Variants in TRIM9 observed in about 807,000 individuals in gnomAD.
The protein encoded by TRIM9 is E3 ubiquitin-protein ligase TRIM9.
In TRIM9, 26 loss-of-function variants were observed where a neutral mutation model predicts 78.3. That is an observed-to-expected ratio of 0.33 (90% CI 0.24 to 0.46). The LOEUF (loss-of-function observed/expected upper bound fraction) is 0.46, where lower values mean the gene tolerates loss of function less well. TRIM9 is among the 20% of genes least tolerant of loss of function. The pLI, the probability that TRIM9 is intolerant of heterozygous loss-of-function variation, is 1.00. For synonymous variants in TRIM9, 398 were observed against 416.5 expected, an observed-to-expected ratio of 0.96 and a Z score of 0.54; for missense variants, 787 against 1,036.4, an observed-to-expected ratio of 0.76 and a Z score of 3.30.
chr14:51,007,125 C>T (rs920097243), intron 5 of TRIM9, among the ~76,000 whole-genome samples: 8 of 152,154 alleles, frequency 5.3e-5, no homozygotes, highest in Non-Finnish European at 8.8e-5. Flanking sequence ...CTAACTGCCT[C>T]CTCCTCCTGC....
intron 5 of TRIM9, among the ~76,000 whole-genome samples, chr14:51,002,364 G>T (rs189030225): frequency 6.6e-6 from 1 of 151,548 alleles, no homozygotes; most frequent in Non-Finnish European, 1.5e-5. Context: ...TCGATCTACT[G>T]ACCTCATGAT....
At chr14:51,046,240 G>A (rs1176354744) in intron 1 of TRIM9, among the ~76,000 whole-genome samples, 1 of 152,138 alleles carries the variant, frequency 6.6e-6, no homozygotes, top group Non-Finnish European at 1.5e-5. Flanking sequence ...AGGGACACTT[G>A]TGGGGCTGGA....
chr14:51,063,944 G>T (rs189462365), intron 1 of TRIM9, among the ~76,000 whole-genome samples: 1 of 152,010 alleles, frequency 6.6e-6, no homozygotes, highest in Non-Finnish European at 1.5e-5. Context: ...GTGTGTGTGT[G>T]TATAATATAT....
chr14:50,989,249 G>A (rs566672882), intron 7 of TRIM9, among the ~76,000 whole-genome samples: 1 of 152,332 alleles, frequency 6.6e-6, no homozygotes, highest in South Asian at 2.1e-4. Flanking sequence ...ATTGAGAACA[G>A]TATTGCCACT....
intron 1 of TRIM9, among the ~76,000 whole-genome samples, chr14:51,083,344 T>G (rs1180459589): frequency 1.3e-5 from 2 of 152,182 alleles, no homozygotes; most frequent in Non-Finnish European, 2.9e-5. Context: ...CTCGAACTCC[T>G]GGGCTCAAGT....
chr14:51,071,019 A>T (rs2140232666), intron 1 of TRIM9, among the ~76,000 whole-genome samples: 1 of 152,188 alleles, frequency 6.6e-6, no homozygotes, highest in South Asian at 2.1e-4. Flanking sequence ...TGGAAAAAGG[A>T]ATACATTTAC....
intron 1 of TRIM9, among the ~76,000 whole-genome samples, chr14:51,029,263 G>A (rs559124446): frequency 1.3e-5 from 2 of 152,280 alleles, no homozygotes; most frequent in East Asian, 1.9e-4. Context: ...AGGGTCACTC[G>A]AAGAGTTGGT....
At chr14:51,024,227 G>A (rs575306244) in intron 2 of TRIM9, among the ~76,000 whole-genome samples, 7 of 152,172 alleles carry the variant, frequency 4.6e-5, no homozygotes, top group South Asian at 2.1e-4. Flanking sequence ...GAAGAGGCCC[G>A]GGCAGAGGCA....
At chr14:51,067,677 CT>C (rs764731579) in intron 1 of TRIM9, among the ~76,000 whole-genome samples, 1 of 152,110 alleles carries the variant, frequency 6.6e-6, no homozygotes, top group Non-Finnish European at 1.5e-5. Context: ...TCCTGCAGAT[CT>C]TCACAGAGGG....
Position 50,982,918 on chromosome 14 carries a change from T to G in TRIM9, c.1858+24A>C, listed in dbSNP as rs547380081. 9.1e-6 allele frequency: 14 copies of G among 1,541,656 alleles called. No individual in the cohort carries two copies. The South Asian group carries it at 1.6e-4, about 17-fold the overall frequency. On this transcript the variant is annotated intron_variant, in intron 10 of 12. Coordinates refer to ENST00000684578, the MANE Select transcript of TRIM9 (RefSeq NM_001387360.1). Reference sequence around the variant, plus strand: ...ATGCACTTTGGTCTTTGCTATTTGGTAACAGAATAAGGTTATTCCATACCT... The same window carrying G: ...ATGCACTTTGGTCTTTGCTATTTGGGAACAGAATAAGGTTATTCCATACCT...
chr14:51,039,620 T>G (rs868273710), intron 1 of TRIM9, among the ~76,000 whole-genome samples: 12 of 152,252 alleles, frequency 7.9e-5, no homozygotes, highest in African/African-American at 2.7e-4. Context: ...GCAAGTGTCA[T>G]GAGGGGATTC....
chr14:51,068,964 C>T (rs1187208917), intron 1 of TRIM9, among the ~76,000 whole-genome samples: 1 of 152,154 alleles, frequency 6.6e-6, no homozygotes, highest in Non-Finnish European at 1.5e-5. Flanking sequence ...CTTGAAATAT[C>T]ATTTGGCAGT....
At chr14:51,035,426 T>C (rs2059059694) in intron 1 of TRIM9, among the ~76,000 whole-genome samples, 1 of 152,250 alleles carries the variant, frequency 6.6e-6, no homozygotes, top group Non-Finnish European at 1.5e-5. Context: ...CATTTTTATA[T>C]GAAAAATATT....
intron 11 of TRIM9, 58 bp downstream of exon 11, chr14:50,981,740 GCT>G (rs977826665): frequency 3.3e-4 from 534 of 1,596,522 alleles, no homozygotes; most frequent in Non-Finnish European, 4.0e-4. Context: ...TTGAACTGGG[GCT>G]CTCACTCCTG....
At chr14:51,032,943 C>T (rs1348381753) in intron 1 of TRIM9, among the ~76,000 whole-genome samples, 4 of 152,140 alleles carry the variant, frequency 2.6e-5, no homozygotes, top group Non-Finnish European at 5.9e-5. Context: ...TTTTGGAGCA[C>T]TTCAGATTTC....
At chr14:51,035,024 T>TA (rs941647819) in intron 1 of TRIM9, among the ~76,000 whole-genome samples, 8 of 149,596 alleles carry the variant, frequency 5.3e-5, no homozygotes, top group Non-Finnish European at 9.0e-5. Context: ...TATGGGAAAA[T>TA]ATTTATAACA....
chr14:51,041,454 G>A (rs1376576478), intron 1 of TRIM9, among the ~76,000 whole-genome samples: 1 of 152,214 alleles, frequency 6.6e-6, no homozygotes, highest in African/African-American at 2.4e-5. Context: ...CCCACAGCCT[G>A]GCCCTCTTAG....
rs933136688 is a variant in TRIM9, at chr14:51,036,645, C to G, written c.823-11285G>C. Among the ~76,000 whole-genome samples the G allele has an allele frequency of 2.6e-5, 4 of 152,154 alleles. 1 individual carries two copies. The highest frequency in any genetic ancestry group is 9.7e-5 in the African/African-American group (4 of 41,436). ...ATGGAATAATGACAAGGAAAAAAGTCTTGACATGATCAGTACAGGCTCAAT... is the reference window on the plus strand; with the variant it reads ...ATGGAATAATGACAAGGAAAAAAGTGTTGACATGATCAGTACAGGCTCAAT... On this transcript the variant is annotated intron_variant, in intron 1 of 12. Coordinates refer to ENST00000684578, the MANE Select transcript of TRIM9 (RefSeq NM_001387360.1).
In TRIM9 at chr14:51,094,459, T is replaced by C. The variant is rs777017526; in HGVS notation, c.481A>G (p.Ser161Gly). 8.1e-6 allele frequency: 13 copies of C among 1,613,848 alleles called. No homozygotes were observed. Among genetic ancestry groups the C allele is most frequent in the Admixed American group, 1.7e-5 (1 of 60,032 alleles). Reference sequence around the variant, plus strand: ...TGGCACTTGAGGGCCGCGGCTTTGCTCTGCTGGTAGCGGTCAATTACCCCT... The same window carrying C: ...TGGCACTTGAGGGCCGCGGCTTTGCCCTGCTGGTAGCGGTCAATTACCCCT... ...LEGVIDRYQQSKAAALKCQLC... is the reference protein window; with the variant it reads ...LEGVIDRYQQGKAAALKCQLC... The change falls in exon 1 of 13, where the codon AGC (serine) becomes GGC (glycine). Residue 161 changes from serine (S) to glycine (G), a missense_variant. Ser to Gly is a moderately conservative substitution (Grantham distance 56). Transcript: ENST00000684578.
Sources: gnomAD v4.1 joint callset for allele counts (sites outside exome capture counted in the v4.1 genomes callset) on GRCh38, gnomAD v4.1.1 for gene constraint, MANE v1.5 for transcripts, NCBI Gene and HGNC (gene_info 2026-07-23, HGNC 2026-07-21) for gene names.